The following ZSCAN5A variants were observed in gnomAD, a reference collection of about 807,000 sequenced individuals.
ZSCAN5A encodes zinc finger and SCAN domain containing 5A, also known as zinc finger and SCAN domain-containing protein 5A.
Under a neutral mutation model 23.7 loss-of-function variants are expected in ZSCAN5A, and 12 were observed. That is an observed-to-expected ratio of 0.51 (90% confidence interval 0.32 to 0.82). ZSCAN5A has a LOEUF of 0.82. Ranked by LOEUF, ZSCAN5A falls within the 40% of genes least tolerant of loss-of-function variation. The probability of loss-of-function intolerance (pLI) is 0.03; values close to 1 mark genes in which losing one functional copy is unlikely to be tolerated. For synonymous variants in ZSCAN5A, 257 were observed against 239.9 expected, an observed-to-expected ratio of 1.07 and a Z score of -0.66; for missense variants, 597 against 617.9, an observed-to-expected ratio of 0.97 and a Z score of 0.36.
At chr19:56,228,401 G>C (rs572503830) in intron 2 of ZSCAN5A, 1 of 985,280 alleles carries the variant, frequency 1.0e-6, no homozygotes, top group Non-Finnish European at 1.2e-6. Context: ...TAGGGCCATA[G>C]AGTCCATTTT....
At position 56,320,074 on chromosome 19, in the gene ZSCAN5A, AT is replaced by A. The variant is rs1256756082; in HGVS notation, c.-357-3807del. 5.9e-4 allele frequency: 462 copies of A among 777,862 alleles called. 4 individuals are homozygous for A. Among genetic ancestry groups the A allele is most frequent in the Non-Finnish European group, 8.4e-5 (35 of 417,968 alleles). 48.2% of individuals were successfully genotyped at this position (777,862 alleles called of 1,614,324 possible). On this transcript the variant is annotated intron_variant, in intron 2 of 6. Transcript: ENST00000587340. ...CATCAGACTTACAAAATCTCTTCTT[AT>A]ACCTGTCACTGTCTGAAGGCAGTAG...
rs777107193 is a variant in ZSCAN5A at position 56,221,730 on chromosome 19, T to C, written c.1336A>G (p.Lys446Glu). 4 of 1,614,234 alleles carry C rather than the reference T, an allele frequency of 2.5e-6. No individual in the cohort carries two copies. In the South Asian group the frequency reaches 4.4e-5, roughly 18 times the overall value. The change falls in exon 6 of 6, where the codon AAG (lysine) becomes GAG (glutamate). Residue 446 changes from lysine to glutamate, a missense_variant. By Grantham distance (56) the Lys-to-Glu change is moderately conservative. Coordinates refer to ENST00000683990, the MANE Select transcript of ZSCAN5A (RefSeq NM_001322064.3). ...GEKPFECKDC[K>E]KVFTYRGSLK... The stretch of plus-strand genomic sequence containing the variant: ...CTCCCCCTGTAGGTGAAAACTTTCT[T>C]GCAGTCTTTACATTCGAAGGGCTTC...
chr19:56,284,513 ATTTT>A (rs11374260), intron 2 of ZSCAN5A, among the ~76,000 whole-genome samples: 7 of 118,330 alleles, frequency 5.9e-5, no homozygotes, highest in South Asian at 6.0e-4. Flanking sequence ...GCTTGCTGTA[ATTTT>A]TTTTTTTTTT....
At chr19:56,340,091 T>A (rs2041579508) in intron 2 of ZSCAN5A, among the ~76,000 whole-genome samples, 1 of 151,868 alleles carries the variant, frequency 6.6e-6, no homozygotes, top group Non-Finnish European at 1.5e-5. Context: ...GAAATCCAAA[T>A]GGAAATTGGA....
intron 2 of ZSCAN5A, among the ~76,000 whole-genome samples, chr19:56,251,499 A>T (rs2036341088): frequency 6.6e-6 from 1 of 152,210 alleles, no homozygotes; most frequent in Non-Finnish European, 1.5e-5. Context: ...AGCATTTAAT[A>T]TAAAGCAGGG....
chr19:56,282,026 C>T (rs2038749529), intron 2 of ZSCAN5A, among the ~76,000 whole-genome samples: 1 of 152,276 alleles, frequency 6.6e-6, no homozygotes, highest in South Asian at 2.1e-4. Flanking sequence ...TGACCTACCA[C>T]AATCTAGGGG....
At chr19:56,356,564 G>A (rs535975167) in intron 2 of ZSCAN5A, among the ~76,000 whole-genome samples, 1 of 147,828 alleles carries the variant, frequency 6.8e-6, no homozygotes, top group Non-Finnish European at 1.5e-5. Flanking sequence ...GGGTGGGGAC[G>A]GGGGCGCTAC....
intron 2 of ZSCAN5A, among the ~76,000 whole-genome samples, chr19:56,227,323 A>G (rs1303871876): frequency 6.6e-6 from 1 of 152,362 alleles, no homozygotes; most frequent in East Asian, 1.9e-4. Flanking sequence ...GAAGCAAATT[A>G]ATTTTTATTG....
At chr19:56,281,822 GTCC>G (rs1457807184) in intron 2 of ZSCAN5A, 1 of 431,770 alleles carries the variant, frequency 2.3e-6, no homozygotes, top group African/African-American at 2.1e-5. Context: ...AGATTCAGAT[GTCC>G]TCAATTCAAA....
chr19:56,244,710 G>A (rs1047478862), intron 2 of ZSCAN5A, among the ~76,000 whole-genome samples: 1 of 149,962 alleles, frequency 6.7e-6, no homozygotes, highest in Non-Finnish European at 1.5e-5. Flanking sequence ...GCAAGTTCCT[G>A]GTGTAGGAGA....
intron 2 of ZSCAN5A, chr19:56,321,146 TCTCAC>T (rs1163237387): frequency 1.5e-6 from 1 of 660,196 alleles, no homozygotes; most frequent in Non-Finnish European, 2.8e-6. Flanking sequence ...TCGCCCCTCT[TCTCAC>T]CTCAACATCA....
chr19:56,314,590 G>A (rs950903374), intron 1 of ZSCAN5A, 91 bp downstream of exon 1: 5 of 152,172 alleles, frequency 3.3e-5, no homozygotes, highest in Admixed American at 6.6e-5. Context: ...CCCGCCCCAG[G>A]CGCATGCGCC....
At chr19:56,297,157 T>A (rs1052004011) in intron 2 of ZSCAN5A, among the ~76,000 whole-genome samples, 1 of 151,784 alleles carries the variant, frequency 6.6e-6, no homozygotes, top group African/African-American at 2.4e-5. Flanking sequence ...CAGAGATAAC[T>A]GGGGGAAAGG....
intron 1 of ZSCAN5A, among the ~76,000 whole-genome samples, chr19:56,364,610 T>C (rs993115132): frequency 3.3e-5 from 5 of 151,992 alleles, no homozygotes; most frequent in Admixed American, 2.6e-4. Context: ...GAGAAAGGAG[T>C]GCACATGGCC....
chr19:56,302,219 C>A (rs145406086), intron 2 of ZSCAN5A: 694 of 552,658 alleles, frequency 1.3e-3, no homozygotes, highest in Non-Finnish European at 1.7e-3. Context: ...GGTGGGAGAG[C>A]CCTTCTGTAA....
At chr19:56,279,062 G>T (rs1303409870) in intron 2 of ZSCAN5A, among the ~76,000 whole-genome samples, 1 of 152,120 alleles carries the variant, frequency 6.6e-6, no homozygotes, top group African/African-American at 2.4e-5. Flanking sequence ...AACCACTCAG[G>T]CTTCCCTTTC....
intron 5 of ZSCAN5A, 109 bp downstream of exon 5, chr19:56,222,482 C>CT: frequency 6.4e-7 from 1 of 1,551,646 alleles, no homozygotes; most frequent in Non-Finnish European, 8.7e-7. Flanking sequence ...GATGGGGAGG[C>CT]TTTGACAGCT....
At chr19:56,269,726 T>A (rs181176129) in intron 2 of ZSCAN5A, among the ~76,000 whole-genome samples, 3 of 152,306 alleles carry the variant, frequency 2.0e-5, no homozygotes, top group African/African-American at 7.2e-5. Flanking sequence ...GACGCCATGC[T>A]GTTGGTTAGG....
chr19:56,262,409 A>ATT (rs542630700), intron 2 of ZSCAN5A, among the ~76,000 whole-genome samples: 1 of 142,224 alleles, frequency 7.0e-6, no homozygotes. Context: ...CTCGTTTCTA[A>ATT]TTTTTTTTTT....
Sources: gnomAD v4.1 joint callset for allele counts (sites outside exome capture counted in the v4.1 genomes callset) on GRCh38, gnomAD v4.1.1 for gene constraint, MANE v1.5 for transcripts, NCBI Gene and HGNC (gene_info 2026-07-23, HGNC 2026-07-21) for gene names.